Variants in CRHR1 observed in about 807,000 individuals in gnomAD.
CRHR1 encodes corticotropin-releasing hormone receptor 1.
In CRHR1, 28 loss-of-function variants were observed where a neutral mutation model predicts 56.0. The observed-to-expected ratio is 0.50, with a 90% CI of 0.37 to 0.69. The LOEUF (loss-of-function observed/expected upper bound fraction) is 0.69. CRHR1 is among the 30% of genes least tolerant of loss of function. The pLI, the probability that CRHR1 is intolerant of heterozygous loss-of-function variation, is 0.00. For synonymous variants in CRHR1, 195 were observed against 216.5 expected (o/e 0.90, Z 0.87); for missense variants, 376 against 548.0 (o/e 0.69, Z 3.13).
At chr17:45,786,556 C>T (rs1199254550) in intron 1 of CRHR1, among the ~76,000 whole-genome samples, 2 of 151,486 alleles carry the variant, frequency 1.3e-5, no homozygotes, top group Non-Finnish European at 2.9e-5. Context: ...GTCACACAGC[C>T]AGTGAGTAGT....
At chr17:45,786,525 A>G (rs2061339101) in intron 1 of CRHR1, among the ~76,000 whole-genome samples, 1 of 152,032 alleles carries the variant, frequency 6.6e-6, no homozygotes. Context: ...AGACACAGAG[A>G]GGCTAAGTAA....
rs2061293664 is a variant in CRHR1, at chr17:45,784,536, A to AGCCCGAGGATGGGAGGGC, written c.-8_10dup. 1.3e-6 allele frequency: 2 copies of AGCCCGAGGATGGGAGGGC among 1,550,504 alleles called. No individual in the cohort carries two copies. ...GGGCATTCAGGACGGTAGCCGAGCG[A>AGCCCGAGGATGGGAGGGC]GCCCGAGGATGGGAGGGCACCCGCA... On this transcript the variant is annotated 5_prime_UTR_variant, in exon 1 of 13. In the 5' UTR this introduces an upstream ATG that the reference lacks. Transcript: ENST00000314537. The surrounding 1 kb of genome is among the most constrained non-coding windows in gnomAD (Gnocchi z 4.2).
At chr17:45,803,757 C>CATGTGTGTGTGT (rs1555650791) in intron 1 of CRHR1, among the ~76,000 whole-genome samples, 5 of 129,452 alleles carry the variant, frequency 3.9e-5, no homozygotes, top group Admixed American at 1.6e-4. Context: ...AGAGAGAGTG[C>CATGTGTGTGTGT]GTGTGTGTGT....
At chr17:45,833,569 C>G in intron 10 of CRHR1, 32 bp downstream of exon 10, 1 of 1,604,842 alleles carries the variant, frequency 6.2e-7, no homozygotes, top group Admixed American at 1.7e-5. Context: ...CAGGCCTCCC[C>G]CTGATGAAAC....
In CRHR1 at chr17:45,814,145, C is replaced by T. The variant is rs1259773952; in HGVS notation, c.122-2318C>T. On this transcript the variant is annotated intron_variant, in intron 2 of 12. Coordinates refer to ENST00000314537, the MANE Select transcript of CRHR1 (RefSeq NM_004382.5). ...CCACACTGATGGAGAGGGTGTGTTC[C>T]GTGTGTTCATTCCAGACGCTGCCAC... 3.3e-5 allele frequency among the ~76,000 whole-genome samples: 5 copies of T among 152,220 alleles called. No individual in the cohort carries two copies. In the South Asian group the frequency reaches 6.2e-4, roughly 19 times the overall value.
chr17:45,834,359 A>C (rs1305640071), intron 12 of CRHR1, among the ~76,000 whole-genome samples: 1 of 152,228 alleles, frequency 6.6e-6, no homozygotes, highest in Non-Finnish European at 1.5e-5. Context: ...GGTTGAGGGC[A>C]GGGAGCCTTC....
At chr17:45,802,194 G>A (rs1036212593) in intron 1 of CRHR1, among the ~76,000 whole-genome samples, 1 of 152,124 alleles carries the variant, frequency 6.6e-6, no homozygotes, top group Non-Finnish European at 1.5e-5. Context: ...GCATGGTGGT[G>A]CAGGCCTGTA....
chr17:45,829,547 TCA>T (rs1386664288), intron 5 of CRHR1: 29 of 1,545,754 alleles, frequency 1.9e-5, no homozygotes, highest in Non-Finnish European at 2.4e-5. Flanking sequence ...TTGTCTTATG[TCA>T]CCCATACCCA....
At chr17:45,810,150 T>TGGTGGGC (rs2061793765) in intron 2 of CRHR1, among the ~76,000 whole-genome samples, 1 of 151,808 alleles carries the variant, frequency 6.6e-6, no homozygotes, top group Non-Finnish European at 1.5e-5. Context: ...CCGGGCTTGG[T>TGGTGGGC]GGTGGGCGCC....
intron 2 of CRHR1, among the ~76,000 whole-genome samples, chr17:45,808,112 C>A (rs1217451086): frequency 6.6e-6 from 1 of 152,224 alleles, no homozygotes; most frequent in Non-Finnish European, 1.5e-5. Flanking sequence ...TACTACACAG[C>A]AGGCCCCACG....
chr17:45,801,547 G>A (rs913860742), intron 1 of CRHR1, among the ~76,000 whole-genome samples: 1 of 152,232 alleles, frequency 6.6e-6, no homozygotes, highest in African/African-American at 2.4e-5. Flanking sequence ...GGAGAGATTT[G>A]TAGCTCAGCT....
chr17:45,814,359 C>T (rs2061884536), intron 2 of CRHR1, among the ~76,000 whole-genome samples: 1 of 152,198 alleles, frequency 6.6e-6, no homozygotes, highest in Non-Finnish European at 1.5e-5. Flanking sequence ...CTGTCCCTCA[C>T]CCCCTGTGAC....
intron 2 of CRHR1, among the ~76,000 whole-genome samples, chr17:45,807,932 G>A (rs2061750469): frequency 6.6e-6 from 1 of 152,150 alleles, no homozygotes; most frequent in Non-Finnish European, 1.5e-5. Flanking sequence ...TAGGTGTTTG[G>A]GCTGCCTAGG....
At position 45,816,597 on chromosome 17, in the gene CRHR1, G is replaced by A. The variant is rs1224526905; in HGVS notation, c.241+15G>A. ...CAATACCACAAGTAAGGAAGAAGTG[G>A]AGGGTGGACCATCTGCTGGGAGGTG... On this transcript the variant is annotated intron_variant, in intron 3 of 12. Coordinates refer to ENST00000314537, the MANE Select transcript of CRHR1 (RefSeq NM_004382.5). 1 of 1,613,932 alleles carries A rather than the reference G, an allele frequency of 6.2e-7. No homozygotes were observed. The highest frequency in any genetic ancestry group is 1.1e-5 in the South Asian group (1 of 91,062).
intron 1 of CRHR1, among the ~76,000 whole-genome samples, chr17:45,793,180 G>A (rs1470926344): frequency 6.6e-6 from 1 of 152,270 alleles, no homozygotes; most frequent in Admixed American, 6.5e-5. Context: ...GCGGCAGCGC[G>A]GCTTAGTAAC....
intron 1 of CRHR1, among the ~76,000 whole-genome samples, chr17:45,796,041 G>T (rs2061510553): frequency 6.6e-6 from 1 of 152,128 alleles, no homozygotes. Context: ...CTTCCTTTCT[G>T]GCCCTCTTTA....
At position 45,835,414 on chromosome 17, in the gene CRHR1, C is replaced by T. The variant is rs2062417497; in HGVS notation, c.*650C>T. The T allele has an allele frequency of 6.5e-6, 1 of 153,494 alleles. No individual in the cohort carries two copies. Among genetic ancestry groups the T allele is most frequent in the East Asian group, 1.9e-4 (1 of 5,220 alleles). 9.5% of individuals were successfully genotyped at this position (153,494 alleles called of 1,614,324 possible). On this transcript the variant is annotated 3_prime_UTR_variant, in exon 13 of 13. Coordinates refer to ENST00000314537, the MANE Select transcript of CRHR1 (RefSeq NM_004382.5). ...CCTGCCTTGCTGCCTTCACCCTGAA[C>T]ATTTAGTACCCTGCAGGCCAGGCCA...
Position 45,834,992 on chromosome 17 carries a change from G to A in CRHR1, c.*228G>A. On this transcript the variant is annotated 3_prime_UTR_variant, in exon 13 of 13. Transcript: ENST00000314537. ...GACTGGGCCGGGCCCAGGGCCTCTG[G>A]CTTCCCTGCCCAATCCTCCCTGGAG... The A allele has an allele frequency of 1.7e-6, 1 of 587,734 alleles. No homozygotes were observed. The highest frequency in any genetic ancestry group is 3.0e-6 in the Non-Finnish European group (1 of 337,406). The allele number at this position is 587,734 out of a possible 1,614,324, so 36.4% of individuals were successfully genotyped here.
intron 3 of CRHR1, among the ~76,000 whole-genome samples, chr17:45,819,411 C>T (rs923362031): frequency 6.6e-6 from 1 of 152,178 alleles, no homozygotes. Context: ...TAGCACTACT[C>T]CATGCTGCCT....
Sources: gnomAD v4.1 joint callset for allele counts (sites outside exome capture counted in the v4.1 genomes callset) on GRCh38, gnomAD v4.1.1 for gene constraint, Gnocchi (gnomAD v3.1) non-coding constraint, MANE v1.5 for transcripts, NCBI Gene and HGNC (gene_info 2026-07-23, HGNC 2026-07-21) for gene names.